Variants in COA1 observed in about 807,000 individuals in gnomAD.
COA1 encodes cytochrome c oxidase assembly factor 1 homolog.
In COA1, 13 loss-of-function variants were observed where a neutral mutation model predicts 16.0. The ratio of observed to expected loss-of-function variants is 0.81; its 90% CI spans 0.53 to 1.29. The LOEUF (loss-of-function observed/expected upper bound fraction) is 1.29. Ranked by LOEUF, COA1 falls within the 50% of genes most tolerant of loss-of-function variation. COA1 has a pLI of 0.00. For synonymous variants in COA1, 65 were observed against 65.7 expected, an observed-to-expected ratio of 0.99 and a Z score of 0.05; for missense variants, 179 against 177.0, an observed-to-expected ratio of 1.01 and a Z score of -0.06.
At chr7:43,688,666 A>G (rs970189191) in intron 1 of COA1, among the ~76,000 whole-genome samples, 1 of 152,200 alleles carries the variant, frequency 6.6e-6, no homozygotes, top group Non-Finnish European at 1.5e-5. Context: ...TAGTCAGTCC[A>G]GTGTATAGTT....
At chr7:43,685,615 G>A (rs989759683) in intron 1 of COA1, among the ~76,000 whole-genome samples, 2 of 152,084 alleles carry the variant, frequency 1.3e-5, no homozygotes, top group African/African-American at 4.8e-5. Flanking sequence ...AAATGATTTG[G>A]AAAGACTAGA....
intron 3 of COA1, 141 bp from the exon 4 acceptor site, chr7:43,645,540 T>C (rs1385678412): frequency 2.7e-6 from 2 of 730,952 alleles, no homozygotes; most frequent in Non-Finnish European, 4.5e-6. Context: ...ATTAAGGCCA[T>C]CTACTCTAAA....
At chr7:43,696,997 G>A (rs745488736) in intron 1 of COA1, among the ~76,000 whole-genome samples, 6 of 151,808 alleles carry the variant, frequency 4.0e-5, no homozygotes, top group Non-Finnish European at 8.8e-5. Flanking sequence ...GGTGACACAC[G>A]CCTGTAGTCC....
intron 1 of COA1, chr7:43,711,444 G>A (rs981486530): frequency 6.6e-6 from 1 of 151,970 alleles, no homozygotes; most frequent in Admixed American, 6.6e-5. Flanking sequence ...TGGCCAGAGC[G>A]AGACTCTGTC....
chr7:43,669,951 G>C (rs2093155201), intron 1 of COA1, among the ~76,000 whole-genome samples: 1 of 152,214 alleles, frequency 6.6e-6, no homozygotes, highest in African/African-American at 2.4e-5. Flanking sequence ...GGAAGGAAAG[G>C]AAAGCGGGGC....
intron 6 of COA1, among the ~76,000 whole-genome samples, chr7:43,611,684 T>C (rs2082894068): frequency 1.3e-5 from 2 of 152,344 alleles, no homozygotes; most frequent in South Asian, 4.1e-4. Context: ...ACTTTAAGTA[T>C]TAGCCATGCA....
At chr7:43,708,651 T>C (rs972952120) in intron 1 of COA1, among the ~76,000 whole-genome samples, 2 of 152,360 alleles carry the variant, frequency 1.3e-5, no homozygotes, top group African/African-American at 4.8e-5. Flanking sequence ...GATATTCTTT[T>C]TGGTGAAGTG....
intron 1 of COA1, among the ~76,000 whole-genome samples, chr7:43,680,599 GAGAC>G (rs1424361511): frequency 6.6e-6 from 1 of 152,154 alleles, no homozygotes; most frequent in African/African-American, 2.4e-5. Context: ...TACCAGAATT[GAGAC>G]AGACAGAGAT....
chr7:43,691,333 A>G (rs1175085159), intron 1 of COA1, among the ~76,000 whole-genome samples: 47 of 75,572 alleles, frequency 6.2e-4, no homozygotes, highest in Non-Finnish European at 8.2e-4. Flanking sequence ...AAGAAAGAGA[A>G]AGAGAGAGAG....
intron 1 of COA1, among the ~76,000 whole-genome samples, chr7:43,657,732 C>A (rs182614266): frequency 6.6e-5 from 10 of 152,018 alleles, no homozygotes; most frequent in Admixed American, 2.6e-4. Context: ...AAGCCACAGA[C>A]TGGGAGAAAA....
intron 1 of COA1, among the ~76,000 whole-genome samples, chr7:43,695,442 T>C (rs970284537): frequency 6.0e-5 from 9 of 150,154 alleles, no homozygotes; most frequent in Non-Finnish European, 1.0e-4. Flanking sequence ...GTTATCCACA[T>C]GGCACATGCT....
At chr7:43,706,568 T>TC (rs934852931) in intron 1 of COA1, among the ~76,000 whole-genome samples, 2 of 143,958 alleles carry the variant, frequency 1.4e-5, no homozygotes, top group African/African-American at 5.2e-5. Context: ...AATAAAAAAA[T>TC]AAAAAAATAA....
chr7:43,661,641 A>C (rs978929271), intron 1 of COA1, among the ~76,000 whole-genome samples: 1 of 147,074 alleles, frequency 6.8e-6, no homozygotes, highest in Non-Finnish European at 1.5e-5. Context: ...CATCTCAAAA[A>C]AAAAAAAAAG....
rs188861726 is a variant in COA1, at chr7:43,729,419, G to A, written c.-39+10C>T. Reference sequence around the variant, plus strand: ...GGAAGACGGAGACTCTTATACCGCGGGAGACTAACCTGTGAGCAACAGAAG... The same window carrying A: ...GGAAGACGGAGACTCTTATACCGCGAGAGACTAACCTGTGAGCAACAGAAG... On this transcript the variant is annotated intron_variant, in intron 1 of 5. Coordinates refer to ENST00000223336, the MANE Select transcript of COA1 (RefSeq NM_018224.4). The A allele has an allele frequency of 6.6e-6, 1 of 152,310 alleles. No homozygotes were observed. Among genetic ancestry groups the A allele is most frequent in the Admixed American group, 6.5e-5 (1 of 15,278 alleles). 9.4% of individuals were successfully genotyped at this position (152,310 alleles called of 1,614,324 possible).
rs530379514 is a variant in COA1, at chr7:43,614,266, C to A, written c.*134-4771G>T. Among the ~76,000 whole-genome samples the A allele has an allele frequency of 1.1e-3, 169 of 152,324 alleles. 1 individual carries two copies. Among genetic ancestry groups the A allele is most frequent in the Middle Eastern group, 6.8e-3 (2 of 294 alleles). ...CTTCCCTACAGCCACCATCTATTTA[C>A]GGACCGTCTGCAGGTTTTCTGCCTA... is the stretch of plus-strand genomic sequence containing the variant. On this transcript the variant is annotated intron_variant and NMD_transcript_variant, in intron 6 of 6. Coordinates refer to the COA1 transcript ENST00000415076.
rs373882568 is a variant in COA1 at position 43,674,452 on chromosome 7, C to G, written c.-38-25800G>C. On this transcript the variant is annotated intron_variant, in intron 1 of 5. Transcript: ENST00000223336. ...CAAGTGGTAAGCATCTAATACACAA[C>G]AAAGCTTACTTCTTTCTTGCTCCAA... 9.2e-5 allele frequency among the ~76,000 whole-genome samples: 14 copies of G among 152,264 alleles called. No individual in the cohort carries two copies. The South Asian group carries it at 2.7e-3, about 29-fold the overall frequency.
chr7:43,633,013 C>T (rs1288058658), intron 6 of COA1: 1 of 152,216 alleles, frequency 6.6e-6, no homozygotes, highest in African/African-American at 2.4e-5. Context: ...TGAGCATTGG[C>T]TTTAACTGAA....
At chr7:43,690,359 A>C (rs888142158) in intron 1 of COA1, among the ~76,000 whole-genome samples, 4 of 152,204 alleles carry the variant, frequency 2.6e-5, no homozygotes, top group Non-Finnish European at 5.9e-5. Context: ...ACCAGCCCAA[A>C]TGCCGATCAA....
At chr7:43,684,508 T>G (rs2093923827) in intron 1 of COA1, among the ~76,000 whole-genome samples, 1 of 152,204 alleles carries the variant, frequency 6.6e-6, no homozygotes, top group African/African-American at 2.4e-5. Context: ...CTTTTCTGAC[T>G]TAGCCTCAGT....
Sources: gnomAD v4.1 joint callset for allele counts (sites outside exome capture counted in the v4.1 genomes callset) on GRCh38, gnomAD v4.1.1 for gene constraint, MANE v1.5 for transcripts, NCBI Gene and HGNC (gene_info 2026-07-23, HGNC 2026-07-21) for gene names.